Variants in PHACTR3 observed in about 807,000 individuals in gnomAD.
The protein encoded by PHACTR3 is protein phosphatase 1, regulatory subunit 123.
A neutral mutation model predicts 66.8 loss-of-function variants in PHACTR3; 16 were observed. The ratio of observed to expected loss-of-function variants is 0.24; its 90% CI spans 0.16 to 0.36. The LOEUF (loss-of-function observed/expected upper bound fraction) is 0.36, where lower values mean the gene tolerates loss of function less well. Ranked by LOEUF, PHACTR3 falls within the 10% of genes least tolerant of loss-of-function variation. PHACTR3 has a pLI of 1.00. For missense variants in PHACTR3, 647 were observed against 719.9 expected, an observed-to-expected ratio of 0.90 and a Z score of 1.16; for synonymous variants, 323 against 292.1, an observed-to-expected ratio of 1.11 and a Z score of -1.08.
Position 59,660,448 on chromosome 20 carries a change from T to C in PHACTR3, c.118+55316T>C, listed in dbSNP as rs186304116. 9.0e-3 allele frequency among the ~76,000 whole-genome samples: 1,365 copies of C among 152,316 alleles called. 27 individuals are homozygous for C. Among genetic ancestry groups the C allele is most frequent in the African/African-American group, 0.031 (1,286 of 41,570 alleles). ...GGCGGAGCTTGCAGTGAGCCGAGAT[T>C]GCGCCACTGCACTCCAGCCTGGGGG... On this transcript the variant is annotated intron_variant, in intron 1 of 12. Coordinates refer to ENST00000371015, the MANE Select transcript of PHACTR3 (RefSeq NM_080672.5).
At chr20:59,787,169 T>C (rs2040943509) in intron 7 of PHACTR3, among the ~76,000 whole-genome samples, 1 of 152,242 alleles carries the variant, frequency 6.6e-6, no homozygotes. Flanking sequence ...AGAATAGTGG[T>C]CTCCTTGCAC....
intron 1 of PHACTR3, among the ~76,000 whole-genome samples, chr20:59,669,572 T>C (rs1423188043): frequency 5.3e-5 from 8 of 152,190 alleles, no homozygotes; most frequent in Non-Finnish European, 8.8e-5. Flanking sequence ...TGTGGTGAAA[T>C]TTAGAATATT....
chr20:59,755,383 G>A lies in PHACTR3; in HGVS notation c.541+19G>A, dbSNP rs781029793. ...GATGCAGGTACTGGCTGGAGACCAC[G>A]CGAAGTTGAGCTGCTCCTAGAATGG... On this transcript the variant is annotated intron_variant, in intron 4 of 12. Coordinates refer to ENST00000371015, the MANE Select transcript of PHACTR3 (RefSeq NM_080672.5). 27 of 1,609,492 alleles carry A rather than the reference G, an allele frequency of 1.7e-5. No homozygotes were observed. The highest frequency in any genetic ancestry group is 1.6e-4 in the Middle Eastern group (1 of 6,080).
chr20:59,701,347 A>G (rs957276853), intron 1 of PHACTR3, among the ~76,000 whole-genome samples: 2 of 152,166 alleles, frequency 1.3e-5, no homozygotes, highest in Non-Finnish European at 2.9e-5. Context: ...TTAAGTAGGT[A>G]GCAGAACCAG....
intron 1 of PHACTR3, among the ~76,000 whole-genome samples, chr20:59,647,102 A>G (rs1462724878): frequency 6.6e-6 from 1 of 152,196 alleles, no homozygotes; most frequent in East Asian, 1.9e-4. Context: ...GGACTGGGTA[A>G]TTTATAAAGG....
chr20:59,811,143 A>G (rs984749870), intron 8 of PHACTR3, among the ~76,000 whole-genome samples: 1 of 152,264 alleles, frequency 6.6e-6, no homozygotes, highest in Admixed American at 6.5e-5. Context: ...AGGGCCACGT[A>G]GCTTGCAGAA....
chr20:59,604,149 G>T (rs757893270), upstream of PHACTR3, among the ~76,000 whole-genome samples: 20 of 152,160 alleles, frequency 1.3e-4, no homozygotes, highest in Non-Finnish European at 2.8e-4. Flanking sequence ...TGGTTGCGGG[G>T]AGGAAGCCTC....
chr20:59,606,488 G>A (rs2033675559), intron 1 of PHACTR3, among the ~76,000 whole-genome samples: 1 of 152,110 alleles, frequency 6.6e-6, no homozygotes, highest in African/African-American at 2.4e-5. Flanking sequence ...TGCCATGGCC[G>A]ACCCTTAAGG....
At chr20:59,581,139 C>T (rs972329119) in intron 1 of PHACTR3, among the ~76,000 whole-genome samples, 4 of 152,246 alleles carry the variant, frequency 2.6e-5, no homozygotes, top group Non-Finnish European at 4.4e-5. Flanking sequence ...GGGTCACAAA[C>T]GCCAGCATGG....
chr20:59,776,746 G>A (rs2040551166), intron 7 of PHACTR3, among the ~76,000 whole-genome samples: 1 of 33,192 alleles, frequency 3.0e-5, no homozygotes, highest in African/African-American at 5.5e-5. Flanking sequence ...ACCCTCTGTG[G>A]CAGCGTGGTT....
intron 8 of PHACTR3, among the ~76,000 whole-genome samples, chr20:59,806,927 A>G (rs1213100490): frequency 6.6e-6 from 1 of 152,224 alleles, no homozygotes; most frequent in African/African-American, 2.4e-5. Context: ...TAGAAAAGGT[A>G]CAGTAAAAAT....
intron 7 of PHACTR3, among the ~76,000 whole-genome samples, chr20:59,775,707 T>A (rs971732977): frequency 6.6e-6 from 1 of 152,164 alleles, no homozygotes; most frequent in Non-Finnish European, 1.5e-5. Flanking sequence ...CTGAAGAGGC[T>A]GGAGCCTGTG....
intron 1 of PHACTR3, among the ~76,000 whole-genome samples, chr20:59,651,827 TGGTAGGTAGGTA>T (rs3042679): frequency 0.039 from 5,721 of 147,774 alleles, 126 homozygotes; most frequent in South Asian, 0.079. Context: ...AGGATCTTTT[TGGTAGGTAGGTA>T]GGTAGGTAGG....
chr20:59,678,487 G>T (rs768377322), intron 1 of PHACTR3, among the ~76,000 whole-genome samples: 9 of 152,152 alleles, frequency 5.9e-5, no homozygotes, highest in Non-Finnish European at 1.2e-4. Flanking sequence ...CCCGAGGAAT[G>T]GCTGGAGGCA....
At chr20:59,758,414 T>C (rs1190527888) in intron 4 of PHACTR3, among the ~76,000 whole-genome samples, 1 of 152,190 alleles carries the variant, frequency 6.6e-6, no homozygotes, top group Non-Finnish European at 1.5e-5. Context: ...AAGTAAAATA[T>C]AGCAAACAAA....
chr20:59,723,453 T>G (rs888776718), intron 1 of PHACTR3, among the ~76,000 whole-genome samples: 1 of 152,150 alleles, frequency 6.6e-6, no homozygotes, highest in South Asian at 2.1e-4. Context: ...AGTTTAGGGC[T>G]GATAGTATTC....
At chr20:59,783,623 A>T (rs190479142) in intron 7 of PHACTR3, among the ~76,000 whole-genome samples, 67 of 152,296 alleles carry the variant, frequency 4.4e-4, no homozygotes, top group Non-Finnish European at 8.1e-4. Flanking sequence ...AAACTTGCCC[A>T]TTTTGAATCC....
At chr20:59,717,553 G>A (rs780953508) in intron 1 of PHACTR3, among the ~76,000 whole-genome samples, 19 of 152,288 alleles carry the variant, frequency 1.2e-4, no homozygotes, top group Middle Eastern at 3.4e-3. Flanking sequence ...TGGGACACCC[G>A]TGCTCAGAGA....
chr20:59,686,755 A>ATGG (rs1568711665), intron 1 of PHACTR3, among the ~76,000 whole-genome samples: 3 of 72,084 alleles, frequency 4.2e-5, no homozygotes, highest in Non-Finnish European at 5.7e-5. Flanking sequence ...GGTGATGATG[A>ATGG]TGGTGATGAT....
Sources: gnomAD v4.1 joint callset for allele counts (sites outside exome capture counted in the v4.1 genomes callset) on GRCh38, gnomAD v4.1.1 for gene constraint, MANE v1.5 for transcripts, NCBI Gene and HGNC (gene_info 2026-07-23, HGNC 2026-07-21) for gene names.